SUZ12: variants seen among roughly 807,000 people sequenced by gnomAD.
SUZ12 encodes SUZ12 polycomb repressive complex 2 subunit.
SUZ12 carries 17 observed loss-of-function variants against 87.3 expected under a neutral mutation model. That is an observed-to-expected ratio of 0.19 (90% CI 0.13 to 0.29). The LOEUF (loss-of-function observed/expected upper bound fraction) is 0.29, where lower values mean the gene tolerates loss of function less well. SUZ12 is among the 10% of genes least tolerant of loss of function. SUZ12 has a pLI of 1.00. For synonymous variants in SUZ12, 253 were observed against 312.4 expected, an observed-to-expected ratio of 0.81 and a Z score of 2.01; for missense variants, 526 against 912.2, an observed-to-expected ratio of 0.58 and a Z score of 5.45.
At chr17:31,956,971 T>A (rs1253162506) in intron 4 of SUZ12, among the ~76,000 whole-genome samples, 1 of 152,126 alleles carries the variant, frequency 6.6e-6, no homozygotes, top group African/African-American at 2.4e-5. Context: ...AGACTAGTTT[T>A]CACTGTGTTA....
chr17:31,991,424 T>C (rs1438137035), intron 10 of SUZ12, among the ~76,000 whole-genome samples: 1 of 149,818 alleles, frequency 6.7e-6, no homozygotes, highest in Non-Finnish European at 1.5e-5. Context: ...AACTGTAGTA[T>C]GGGCACTTCT....
intron 5 of SUZ12, among the ~76,000 whole-genome samples, chr17:31,970,338 G>A (rs914564554): frequency 6.6e-6 from 1 of 152,064 alleles, no homozygotes; most frequent in Non-Finnish European, 1.5e-5. Context: ...TAGAAAAAAA[G>A]TGTTGCCGGC....
rs573830366 is a variant in SUZ12, at chr17:31,986,369, A to G, written c.1024-1951A>G. ...TTGTTTGGGTTCCTTAATTGACTAA[A>G]CCAGTGCTGGTCTAATAGATAATTG... On this transcript the variant is annotated intron_variant, in intron 9 of 15. Coordinates refer to ENST00000322652, the MANE Select transcript of SUZ12 (RefSeq NM_015355.4). Among the ~76,000 whole-genome samples the G allele has an allele frequency of 2.1e-4, 32 of 151,834 alleles. 1 individual carries two copies. The highest frequency in any genetic ancestry group is 7.0e-4 in the African/African-American group (29 of 41,404).
intron 1 of SUZ12, among the ~76,000 whole-genome samples, chr17:31,938,267 A>G (rs1401887181): frequency 2.0e-5 from 3 of 152,082 alleles, no homozygotes; most frequent in Non-Finnish European, 2.9e-5. Flanking sequence ...CATCGTGACT[A>G]TGAATAATCC....
chr17:31,979,526 A>G (rs1386378451), intron 8 of SUZ12, among the ~76,000 whole-genome samples: 1 of 151,932 alleles, frequency 6.6e-6, no homozygotes, highest in Non-Finnish European at 1.5e-5. Context: ...CTTCTGTGAC[A>G]TTTTTCCCCC....
Position 31,994,648 on chromosome 17 carries a change from C to T in SUZ12, c.1522C>T (p.Arg508Cys), listed in dbSNP as rs1213455983. The T allele has an allele frequency of 3.7e-6, 6 of 1,613,924 alleles. No individual in the cohort carries two copies. The highest frequency in any genetic ancestry group is 4.2e-6 in the Non-Finnish European group (5 of 1,179,972). Reference sequence around the variant, plus strand: ...TGCAGGAAATCCTCAGGATATTCATCGCCAACCTGGATTTGCTTTTAGTCG... The same window carrying T: ...TGCAGGAAATCCTCAGGATATTCATTGCCAACCTGGATTTGCTTTTAGTCG... Reference protein sequence around the residue: ...SYAGNPQDIHRQPGFAFSRNG... With the variant: ...SYAGNPQDIHCQPGFAFSRNG... Residue 508 changes from arginine to cysteine, a missense_variant, in exon 13 of 16, where the codon CGC (arginine) becomes TGC (cysteine). Transcript: ENST00000322652.
chr17:31,957,028 G>A (rs545184823), intron 4 of SUZ12, among the ~76,000 whole-genome samples: 1 of 152,138 alleles, frequency 6.6e-6, no homozygotes, highest in Non-Finnish European at 1.5e-5. Context: ...CACCCACCTC[G>A]GCCTCCCAAA....
chr17:31,941,197 G>A (rs1193649650), intron 3 of SUZ12, among the ~76,000 whole-genome samples: 1 of 149,598 alleles, frequency 6.7e-6, no homozygotes, highest in Non-Finnish European at 1.5e-5. Context: ...CGCCTCCTGG[G>A]TTCATGCCAT....
intron 10 of SUZ12, 149 bp downstream of exon 10, chr17:31,988,646 G>GC: frequency 1.2e-6 from 1 of 807,692 alleles, no homozygotes. Flanking sequence ...AGGCAGGAGT[G>GC]CAGTAGCGTG....
At chr17:31,975,289 A>G (rs1357884390) in intron 6 of SUZ12, among the ~76,000 whole-genome samples, 193 bp from the exon 7 acceptor site, 2 of 152,182 alleles carry the variant, frequency 1.3e-5, no homozygotes, top group Non-Finnish European at 2.9e-5. Flanking sequence ...AATTGCTTTA[A>G]TATTTGGAAT....
intron 4 of SUZ12, among the ~76,000 whole-genome samples, chr17:31,958,475 C>T (rs974861792): frequency 6.6e-6 from 1 of 152,046 alleles, no homozygotes; most frequent in Non-Finnish European, 1.5e-5. Flanking sequence ...TTTGGGAGGT[C>T]AAGGCAGGTG....
At chr17:31,978,479 G>A (rs1212241701) in intron 8 of SUZ12, among the ~76,000 whole-genome samples, 1 of 152,112 alleles carries the variant, frequency 6.6e-6, no homozygotes, top group East Asian at 1.9e-4. Context: ...AAAGTGCTGG[G>A]ATTACAGGTG....
intron 5 of SUZ12, among the ~76,000 whole-genome samples, chr17:31,970,174 C>T (rs115592636): frequency 0.018 from 2,677 of 152,294 alleles, 76 homozygotes; most frequent in African/African-American, 0.06. Context: ...GTACTATTTT[C>T]ATGATGAGTA....
At chr17:31,977,354 T>G (rs1908819442) in intron 8 of SUZ12, among the ~76,000 whole-genome samples, 1 of 150,492 alleles carries the variant, frequency 6.6e-6, no homozygotes, top group South Asian at 2.1e-4. Flanking sequence ...CTCTGCTCAC[T>G]GCAACCCCTC....
chr17:31,975,613 C>T lies in SUZ12; in HGVS notation c.723C>T (p.Asn241=). ...AVSSNEFEPS[N]SHMVKSYSLL... ...CCAGTAATGAATTTGAACCTAGTAA[C>T]AGCCATATGGTGAAGTCTTACTCGT... The change falls in exon 7 of 16, where the codon AAC becomes AAT. Residue 241 remains asparagine, a synonymous_variant. Transcript: ENST00000322652. 6.2e-7 allele frequency: 1 copy of T among 1,613,970 alleles called. No homozygotes were observed. The highest frequency in any genetic ancestry group is 8.5e-7 in the Non-Finnish European group (1 of 1,179,952).
Position 31,937,230 on chromosome 17 carries a change from A to G in SUZ12, c.-17A>G, listed in dbSNP as rs1598140805. On this transcript the variant is annotated 5_prime_UTR_variant, in exon 1 of 16. Transcript: ENST00000322652. ...CGCCCGGCGGGTAGCTGGCGGGGGG[A>G]GGAGGCAGGAACCGCGATGGCGCCT... The G allele has an allele frequency of 2.2e-6, 3 of 1,393,540 alleles. No individual in the cohort carries two copies. The highest frequency in any genetic ancestry group is 1.6e-5 in the South Asian group (1 of 62,992). 86.3% of individuals were successfully genotyped at this position (1,393,540 alleles called of 1,614,324 possible).
intron 8 of SUZ12, among the ~76,000 whole-genome samples, chr17:31,976,882 A>G (rs1344905370): frequency 1.3e-5 from 2 of 152,144 alleles, no homozygotes; most frequent in African/African-American, 2.4e-5. Flanking sequence ...TGTTCTAGAC[A>G]TTAAGAAGGC....
chr17:31,959,126 T>C (rs1907547723), intron 4 of SUZ12, among the ~76,000 whole-genome samples: 1 of 152,228 alleles, frequency 6.6e-6, no homozygotes, highest in Non-Finnish European at 1.5e-5. Context: ...TAATACACTT[T>C]GCCTTGACTA....
intron 9 of SUZ12, among the ~76,000 whole-genome samples, chr17:31,984,784 C>G (rs1460029492): frequency 1.3e-5 from 2 of 152,138 alleles, no homozygotes; most frequent in Non-Finnish European, 2.9e-5. Context: ...GAGAGTTCGA[C>G]AAAGATTAAA....
Sources: allele counts gnomAD v4.1 joint callset (sites outside exome capture counted in the v4.1 genomes callset), GRCh38; gene constraint gnomAD v4.1.1; transcripts MANE v1.5; gene names NCBI Gene and HGNC (gene_info 2026-07-23, HGNC 2026-07-21).